LINGO2: variants seen among roughly 807,000 people sequenced by gnomAD.
LINGO2 encodes the protein leucine rich repeat and Ig domain containing 2.
Under a neutral mutation model 30.6 loss-of-function variants are expected in LINGO2, and 14 were observed. That is an observed-to-expected ratio of 0.46 (90% CI 0.30 to 0.72). The LOEUF (loss-of-function observed/expected upper bound fraction) is 0.72, where lower values mean the gene tolerates loss of function less well. Among genes scored for constraint, LINGO2 ranks in the 30% least tolerant of loss-of-function variants. LINGO2 has a pLI of 0.07. For missense variants in LINGO2, 729 were observed against 751.7 expected (o/e 0.97, Z 0.35); for synonymous variants, 317 against 288.5 (o/e 1.10, Z -1.00).
the LINGO2 span, among the ~76,000 whole-genome samples, chr9:28,905,228 G>A: frequency 6.8e-6 from 1 of 146,770 alleles, no homozygotes; most frequent in South Asian, 2.1e-4. Context: ...TAATATTTTG[G>A]ATACAACAAA....
rs141131568 is a variant in LINGO2 at position 28,373,515 on chromosome 9, C to T, written c.-278-647G>A. Among the ~76,000 whole-genome samples, 839 of 152,200 alleles carry T rather than the reference C, an allele frequency of 5.5e-3. 4 individuals are homozygous for T. The highest frequency in any genetic ancestry group is 0.012 in the East Asian group (64 of 5,178). On this transcript the variant is annotated intron_variant, in intron 2 of 5. Coordinates refer to ENST00000379992, the Ensembl canonical transcript of LINGO2. ...TGTAATTATGATAATGCTGTATTTA[C>T]CCAAACGATGTTTTTTTTAGTCATT...
chr9:28,929,558 G>C, the LINGO2 span, among the ~76,000 whole-genome samples: 1 of 152,046 alleles, frequency 6.6e-6, no homozygotes, highest in African/African-American at 2.4e-5. Context: ...TCAGCAAATA[G>C]TCCCAGTCTG....
At chr9:28,433,037 T>C (rs971784709) in intron 2 of LINGO2, among the ~76,000 whole-genome samples, 1 of 151,558 alleles carries the variant, frequency 6.6e-6, no homozygotes, top group Non-Finnish European at 1.5e-5. Context: ...TGAAAAAACA[T>C]AGATTCAGAA....
At chr9:28,564,900 T>C (rs1475777149) in intron 1 of LINGO2, among the ~76,000 whole-genome samples, 2 of 152,072 alleles carry the variant, frequency 1.3e-5, no homozygotes, top group African/African-American at 4.8e-5. Flanking sequence ...TGCAGAGTTC[T>C]ATGGCACAGC....
At chr9:28,985,043 T>C in the LINGO2 span, among the ~76,000 whole-genome samples, 1 of 152,062 alleles carries the variant, frequency 6.6e-6, no homozygotes, top group African/African-American at 2.4e-5. Context: ...CCTCCAGGCT[T>C]CTGTAACCAC....
chr9:29,084,712 C>T, the LINGO2 span, among the ~76,000 whole-genome samples: 1 of 151,966 alleles, frequency 6.6e-6, no homozygotes, highest in East Asian at 1.9e-4. Flanking sequence ...ATCAAATTTC[C>T]GCTTTTAAGA....
chr9:29,009,263 A>G, the LINGO2 span, among the ~76,000 whole-genome samples: 1 of 152,224 alleles, frequency 6.6e-6, no homozygotes, highest in African/African-American at 2.4e-5. Context: ...TGCAGATGAC[A>G]TGATTGTATA....
intron 5 of LINGO2, among the ~76,000 whole-genome samples, chr9:27,969,801 G>A (rs1320042026): frequency 2.6e-5 from 4 of 152,014 alleles, no homozygotes; most frequent in Non-Finnish European, 4.4e-5. Context: ...AGTCTCAGGA[G>A]ATCTGAGCTA....
At chr9:28,776,830 CT>C in the LINGO2 span, among the ~76,000 whole-genome samples, 286 of 144,508 alleles carry the variant, frequency 2.0e-3, no homozygotes, top group African/African-American at 4.9e-3. Flanking sequence ...ACAGCTGCCT[CT>C]TTTTTTTTTT....
chr9:29,186,148 C>T, the LINGO2 span, among the ~76,000 whole-genome samples: 264 of 152,162 alleles, frequency 1.7e-3, 1 homozygote, highest in African/African-American at 6.0e-3. Flanking sequence ...CTGAACTATA[C>T]AGACTTCAAG....
chr9:29,069,107 T>A, the LINGO2 span, among the ~76,000 whole-genome samples: 1 of 151,870 alleles, frequency 6.6e-6, no homozygotes, highest in African/African-American at 2.4e-5. Flanking sequence ...ATTATATGTA[T>A]CCATTGTCAT....
At chr9:28,424,417 A>T (rs1032167118) in intron 2 of LINGO2, among the ~76,000 whole-genome samples, 1 of 152,138 alleles carries the variant, frequency 6.6e-6, no homozygotes, top group African/African-American at 2.4e-5. Flanking sequence ...ATAGCTAGAC[A>T]ATTGCCAGAC....
chr9:28,636,147 C>T (rs558979594), intron 1 of LINGO2, among the ~76,000 whole-genome samples: 3 of 152,276 alleles, frequency 2.0e-5, no homozygotes, highest in East Asian at 1.9e-4. Context: ...CTACAAAGGA[C>T]ATGAACTCAT....
At chr9:28,076,474 C>CT (rs141575683) in intron 4 of LINGO2, among the ~76,000 whole-genome samples, 30,421 of 150,292 alleles carry the variant, frequency 0.2, 3,651 homozygotes, top group East Asian at 0.27. Flanking sequence ...TTACCTCAAG[C>CT]TTTTTTTTTC....
the LINGO2 span, among the ~76,000 whole-genome samples, chr9:28,858,701 A>C: frequency 1.2e-4 from 18 of 152,196 alleles, no homozygotes; most frequent in Non-Finnish European, 1.8e-4. Context: ...TCCACTTGAC[A>C]TATCTGTTTA....
intron 1 of LINGO2, among the ~76,000 whole-genome samples, chr9:28,483,107 T>C (rs1366891977): frequency 2.0e-5 from 3 of 152,086 alleles, no homozygotes; most frequent in Non-Finnish European, 2.9e-5. Context: ...TGGAATCCCA[T>C]TTCAGCTATA....
the LINGO2 span, among the ~76,000 whole-genome samples, chr9:28,941,639 C>G: frequency 2.6e-5 from 4 of 152,128 alleles, no homozygotes; most frequent in African/African-American, 9.7e-5. Context: ...CATATGTTTT[C>G]AGAGCTATTA....
At chr9:28,281,227 T>C (rs187542453) in intron 4 of LINGO2, among the ~76,000 whole-genome samples, 1 of 152,064 alleles carries the variant, frequency 6.6e-6, no homozygotes, top group Non-Finnish European at 1.5e-5. Flanking sequence ...ATAACTTTAT[T>C]TTTTTAAAAA....
At chr9:28,618,227 T>G (rs1241711093) in intron 1 of LINGO2, among the ~76,000 whole-genome samples, 3 of 152,174 alleles carry the variant, frequency 2.0e-5, no homozygotes, top group Admixed American at 2.0e-4. Flanking sequence ...GGTCTTCCTT[T>G]ATTCTTCCCC....
Sources: allele counts gnomAD v4.1 joint callset (sites outside exome capture counted in the v4.1 genomes callset), GRCh38; gene constraint gnomAD v4.1.1; transcripts MANE v1.5; gene names NCBI Gene and HGNC (gene_info 2026-07-23, HGNC 2026-07-21).